Variants in OTUD7A observed in about 807,000 individuals in gnomAD.
OTUD7A encodes OTU deubiquitinase 7A.
OTUD7A carries 12 observed loss-of-function variants against 65.7 expected under a neutral mutation model. The ratio of observed to expected loss-of-function variants is 0.18; its 90% confidence interval spans 0.12 to 0.30. OTUD7A has a LOEUF of 0.30. Among genes scored for constraint, OTUD7A ranks in the 10% least tolerant of loss-of-function variants. The probability of loss-of-function intolerance (pLI) is 1.00; values close to 1 mark genes in which losing one functional copy is unlikely to be tolerated. For synonymous variants in OTUD7A, 641 were observed against 586.3 expected (o/e 1.09, Z -1.35); for missense variants, 1,148 against 1,304.8 (o/e 0.88, Z 1.85).
chr15:31,823,351 C>A (rs186661380), intron 1 of OTUD7A, among the ~76,000 whole-genome samples: 2 of 152,194 alleles, frequency 1.3e-5, no homozygotes, highest in African/African-American at 4.8e-5. Context: ...TAAGAGGGAG[C>A]ATTCCACATG....
At chr15:31,648,170 C>T (rs1255843974) in intron 3 of OTUD7A, among the ~76,000 whole-genome samples, 1 of 152,172 alleles carries the variant, frequency 6.6e-6, no homozygotes, top group African/African-American at 2.4e-5. Flanking sequence ...AGAGACCCCT[C>T]TTAGGGGCCT....
chr15:31,481,673 G>T lies in OTUD7A; in HGVS notation c.*1621C>A, dbSNP rs2041121466. 2 of 152,300 alleles carry T rather than the reference G, an allele frequency of 1.3e-5. No homozygotes were observed. The highest frequency in any genetic ancestry group is 6.5e-5 in the Admixed American group (1 of 15,286). 9.4% of individuals were successfully genotyped at this position (152,300 alleles called of 1,614,324 possible). A position where few individuals can be genotyped will look rare whatever the true frequency, so the allele number is the denominator to read the frequency against. ...GCTGTGGAATAATTAAAAACAAAAA[G>T]GCATTACTCACAGGAGATACTCAAT... On this transcript the variant is annotated 3_prime_UTR_variant, in exon 13 of 13. Transcript: ENST00000307050.
Position 31,753,721 on chromosome 15 carries a change from T to TA in OTUD7A, c.-99-96645_-99-96644insT, listed in dbSNP as rs879561188. On this transcript the variant is annotated intron_variant, in intron 1 of 12. Transcript: ENST00000307050. ...TATATATTATATATATATATATATA[T>TA]TATATATATATATATATATCTCACA... Among the ~76,000 whole-genome samples the TA allele has an allele frequency of 7.6e-3, 807 of 106,660 alleles. 22 individuals carry two copies. Among genetic ancestry groups the TA allele is most frequent in the Non-Finnish European group, 9.7e-3 (551 of 56,872 alleles). 70.0% of individuals were successfully genotyped at this position (106,660 alleles called of 152,430 possible). A position where few individuals can be genotyped will look rare whatever the true frequency, so the allele number is the denominator to read the frequency against.
chr15:31,808,098 A>C lies in OTUD7A; in HGVS notation c.-100+62409T>G, dbSNP rs372069235. Among the ~76,000 whole-genome samples the C allele has an allele frequency of 1.4e-3, 131 of 95,852 alleles. 1 individual carries two copies. The East Asian group carries it at 0.034, about 25-fold the overall frequency. The allele number at this position is 95,852 out of a possible 152,430, so 62.9% of individuals were successfully genotyped here. Reference sequence around the variant, plus strand: ...TATATAATTGAGCTAACAAATGCCAAACACACACACACACACACACACACA... The same window carrying C: ...TATATAATTGAGCTAACAAATGCCACACACACACACACACACACACACACA... On this transcript the variant is annotated intron_variant, in intron 1 of 12. Coordinates refer to ENST00000307050, the MANE Select transcript of OTUD7A (RefSeq NM_001382637.1).
At chr15:31,717,340 A>T (rs1218138777) in intron 1 of OTUD7A, among the ~76,000 whole-genome samples, 1 of 152,114 alleles carries the variant, frequency 6.6e-6, no homozygotes, top group Non-Finnish European at 1.5e-5. Flanking sequence ...TGCTGCACTC[A>T]TCAACCCGTC....
chr15:31,647,061 T>C (rs1299752962), intron 3 of OTUD7A, among the ~76,000 whole-genome samples: 1 of 152,182 alleles, frequency 6.6e-6, no homozygotes, highest in African/African-American at 2.4e-5. Context: ...TGACATTTTT[T>C]CCCCAAATAC....
At chr15:31,583,872 G>C (rs73374532) in intron 3 of OTUD7A, among the ~76,000 whole-genome samples, 2 of 151,998 alleles carry the variant, frequency 1.3e-5, no homozygotes, top group Non-Finnish European at 2.9e-5. Context: ...TCATGCAGTT[G>C]CACTGGTTGT....
chr15:31,541,124 T>C (rs959973991), intron 5 of OTUD7A, among the ~76,000 whole-genome samples: 3 of 152,206 alleles, frequency 2.0e-5, no homozygotes, highest in Non-Finnish European at 4.4e-5. Flanking sequence ...CACTCTTGAA[T>C]TGGGTAGACA....
chr15:31,635,433 GA>G (rs1891310293), intron 3 of OTUD7A, among the ~76,000 whole-genome samples: 1 of 152,158 alleles, frequency 6.6e-6, no homozygotes, highest in African/African-American at 2.4e-5. Context: ...TTTCCTGCCT[GA>G]AAACACAAAG....
chr15:31,581,358 G>A (rs1889365242), intron 3 of OTUD7A, among the ~76,000 whole-genome samples: 1 of 152,200 alleles, frequency 6.6e-6, no homozygotes, highest in Admixed American at 6.5e-5. Flanking sequence ...TTTGGGGTCT[G>A]GAGGATGGTG....
At chr15:31,768,464 G>C (rs1277580911) in intron 1 of OTUD7A, among the ~76,000 whole-genome samples, 1 of 152,146 alleles carries the variant, frequency 6.6e-6, no homozygotes, top group African/African-American at 2.4e-5. Context: ...TTTGAGACCA[G>C]CCTGGGCAAC....
intron 1 of OTUD7A, among the ~76,000 whole-genome samples, chr15:31,798,072 C>T (rs933786974): frequency 2.6e-5 from 4 of 152,114 alleles, no homozygotes; most frequent in Non-Finnish European, 4.4e-5. Context: ...CTTATAAAGA[C>T]ATCAGTCATA....
In OTUD7A at chr15:31,753,705, T is replaced by TGTG. The variant is rs1894715410; in HGVS notation, c.-99-96629_-99-96628insCAC. ...CTGTGAGATATATATATATATATTA[T>TGTG]ATATATATATATATATTATATATAT... is the stretch of plus-strand genomic sequence containing the variant. On this transcript the variant is annotated intron_variant, in intron 1 of 12. Coordinates refer to ENST00000307050, the MANE Select transcript of OTUD7A (RefSeq NM_001382637.1). Among the ~76,000 whole-genome samples, 6 of 78,434 alleles carry TGTG rather than the reference T, an allele frequency of 7.6e-5. 1 individual carries two copies. The highest frequency in any genetic ancestry group is 5.7e-4 in the African/African-American group (6 of 10,510). 51.5% of individuals were successfully genotyped at this position (78,434 alleles called of 152,430 possible). A position where few individuals can be genotyped will look rare whatever the true frequency, so the allele number is the denominator to read the frequency against.
chr15:31,822,239 C>G (rs1254134101), intron 1 of OTUD7A, among the ~76,000 whole-genome samples: 2 of 152,170 alleles, frequency 1.3e-5, no homozygotes, highest in East Asian at 3.8e-4. Flanking sequence ...AGTAGGGAGA[C>G]AGAAAATGGC....
chr15:31,609,646 T>A (rs909126383), intron 3 of OTUD7A, among the ~76,000 whole-genome samples: 11 of 152,116 alleles, frequency 7.2e-5, no homozygotes, highest in Non-Finnish European at 1.5e-4. Flanking sequence ...CTCTGGTAGC[T>A]GAGGACAAAG....
chr15:31,766,384 C>T (rs759239302), intron 1 of OTUD7A: 3 of 1,586,074 alleles, frequency 1.9e-6, no homozygotes, highest in Non-Finnish European at 2.6e-6. Flanking sequence ...TGTAGAGCAT[C>T]GATGGCAACC....
intron 1 of OTUD7A, among the ~76,000 whole-genome samples, chr15:31,791,626 T>C (rs965230610): frequency 1.3e-5 from 2 of 152,216 alleles, no homozygotes; most frequent in African/African-American, 4.8e-5. Flanking sequence ...AGAGGCTTTC[T>C]ATTCAGCTTT....
chr15:31,599,599 A>G (rs1431145212), intron 3 of OTUD7A, among the ~76,000 whole-genome samples: 1 of 152,084 alleles, frequency 6.6e-6, no homozygotes, highest in Admixed American at 6.6e-5. Context: ...AAGGATCACA[A>G]CTCCTCGCCA....
At chr15:31,685,768 T>C (rs1325656882) in intron 1 of OTUD7A, among the ~76,000 whole-genome samples, 3 of 152,336 alleles carry the variant, frequency 2.0e-5, no homozygotes, top group African/African-American at 4.8e-5. Flanking sequence ...ACAGACGACT[T>C]TGCCTGAGAA....
Sources: gnomAD v4.1 joint callset for allele counts (sites outside exome capture counted in the v4.1 genomes callset) on GRCh38, gnomAD v4.1.1 for gene constraint, MANE v1.5 for transcripts, NCBI Gene and HGNC (gene_info 2026-07-23, HGNC 2026-07-21) for gene names.